The following MID2 variants were observed in gnomAD, a reference collection of about 807,000 sequenced individuals.
The protein encoded by MID2 is midline 2, also known as probable E3 ubiquitin-protein ligase MID2.
In MID2, 13 loss-of-function variants were observed where a neutral mutation model predicts 46.1. The ratio of observed to expected loss-of-function variants is 0.28; its 90% CI spans 0.18 to 0.45. The LOEUF (loss-of-function observed/expected upper bound fraction) is 0.45. MID2 is among the 20% of genes least tolerant of loss of function. The pLI is 1.00. For synonymous variants in MID2, 199 were observed against 212.3 expected (o/e 0.94, Z 0.55); for missense variants, 431 against 575.4 (o/e 0.75, Z 2.57).
Position 107,849,089 on chromosome X carries a change from T to C in MID2, c.721-5520T>C, listed in dbSNP as rs1382667009. Among the ~76,000 whole-genome samples, 5 of 112,311 alleles carry C rather than the reference T, an allele frequency of 4.5e-5. No individual in the cohort carries two copies. The East Asian group carries it at 1.4e-3, about 31-fold the overall frequency. The stretch of plus-strand genomic sequence containing the variant: ...TCCCCTTCCTATGCTCACCCCAAGG[T>C]TCAATTCCCACATAAAAGCAGTCAG... On this transcript the variant is annotated intron_variant, in intron 2 of 9. Transcript: ENST00000262843.
chrX:107,905,511 G>T lies in MID2; in HGVS notation c.958G>T (p.Ala320Ser), dbSNP rs1173922083. 1 of 1,206,554 alleles carries T rather than the reference G, an allele frequency of 8.3e-7. No individual in the cohort carries two copies. The highest frequency in any genetic ancestry group is 2.2e-5 in the Admixed American group (1 of 45,715). ...MKLRKLAQQV[A>S]NCRQCLERST... ...ACTGAGAAAGTTGGCACAGCAGGTT[G>T]CTAATTGCCGCCAGTGTCTTGAACG... The change falls in exon 5 of 10, where the codon GCT becomes TCT. Residue 320 changes from alanine (A) to serine (S), a missense_variant. Physicochemically the swap from Ala to Ser is moderately conservative, Grantham distance 99. Coordinates refer to ENST00000262843, the MANE Select transcript of MID2 (RefSeq NM_012216.4).
At chrX:107,925,016 C>A (rs1367138440) in intron 8 of MID2, among the ~76,000 whole-genome samples, 1 of 112,691 alleles carries the variant, frequency 8.9e-6, no homozygotes, top group Non-Finnish European at 1.9e-5. Flanking sequence ...ATAAAAGATG[C>A]AGGCTCCTTC....
chrX:107,841,024 G>A lies in MID2; in HGVS notation c.359G>A (p.Ser120Asn), dbSNP rs755162512. 2.5e-6 allele frequency: 3 copies of A among 1,211,375 alleles called. No individual in the cohort carries two copies. In the Admixed American group the frequency reaches 6.5e-5, roughly 26 times the overall value. Residue 120 changes from serine to asparagine, a missense_variant, in exon 2 of 10, where the codon AGC becomes AAC. By Grantham distance (46) the Ser-to-Asn change is conservative (BLOSUM62 1). Transcript: ENST00000262843. ...SVSGPNSPSESRRERTYRPTT... is the reference protein window; with the variant it reads ...SVSGPNSPSENRRERTYRPTT... ...AGTGGGCCCAATTCCCCTAGTGAGA[G>A]CCGCCGGGAAAGGACTTACAGGCCC...
intron 6 of MID2, among the ~76,000 whole-genome samples, chrX:107,916,962 G>A (rs1208530288): frequency 8.9e-6 from 1 of 111,825 alleles, no homozygotes; most frequent in Non-Finnish European, 1.9e-5. Context: ...CCAACATGGC[G>A]AAACCCTGTC....
chrX:107,874,549 G>T (rs1932154297), intron 3 of MID2, among the ~76,000 whole-genome samples: 1 of 111,565 alleles, frequency 9.0e-6, no homozygotes, highest in Non-Finnish European at 1.9e-5. Flanking sequence ...CATTTGCTTT[G>T]CTTCTGACAC....
intron 2 of MID2, among the ~76,000 whole-genome samples, chrX:107,853,574 A>G (rs1456103008): frequency 9.0e-6 from 1 of 111,332 alleles, no homozygotes; most frequent in Non-Finnish European, 1.9e-5. Flanking sequence ...TGCTGGGATT[A>G]CAGGCGTGAA....
intron 3 of MID2, among the ~76,000 whole-genome samples, chrX:107,879,931 G>T (rs1033004884): frequency 9.2e-6 from 1 of 108,590 alleles, no homozygotes; most frequent in African/African-American, 3.4e-5. Context: ...TGTATTGATG[G>T]TTTTTTTCTA....
At chrX:107,885,808 G>A (rs752096225) in intron 3 of MID2, among the ~76,000 whole-genome samples, 33 of 111,733 alleles carry the variant, frequency 3.0e-4, no homozygotes, top group African/African-American at 1.0e-3. Context: ...TTTAATGATT[G>A]CCATTCTAAC....
chrX:107,924,256 G>A lies in MID2; in HGVS notation c.1436-87G>A. On this transcript the variant is annotated intron_variant, in intron 7 of 9. Transcript: ENST00000262843. ...AAACAAAATGAATTCACTTTTGAGG[G>A]GGTGGCTTATGATGAATTTTCAGTG... 7.7e-6 allele frequency: 7 copies of A among 906,882 alleles called. No individual in the cohort carries two copies. The South Asian group carries it at 9.6e-5, about 12-fold the overall frequency. The allele number at this position is 906,882 out of a possible 1,213,427, so 74.7% of individuals were successfully genotyped here.
intron 5 of MID2, among the ~76,000 whole-genome samples, 168 bp downstream of exon 5, chrX:107,905,794 C>G (rs1169956514): frequency 8.9e-6 from 1 of 112,122 alleles, no homozygotes; most frequent in African/African-American, 3.2e-5. Flanking sequence ...GGACCCTTGT[C>G]TCTGTCTCTG....
intron 1 of MID2, among the ~76,000 whole-genome samples, chrX:107,834,081 A>G (rs1048685421): frequency 1.8e-5 from 2 of 111,823 alleles, no homozygotes; most frequent in Admixed American, 1.9e-4. Flanking sequence ...GGTGTGAGTC[A>G]CCACGCCAGA....
chrX:107,858,680 A>G (rs911701916), intron 3 of MID2, among the ~76,000 whole-genome samples: 1 of 112,751 alleles, frequency 8.9e-6, no homozygotes, highest in African/African-American at 3.2e-5. Flanking sequence ...ATAGAGCAGC[A>G]TGCAGTGCAG....
chrX:107,845,525 A>ACACTCT (rs1276957001), intron 2 of MID2, among the ~76,000 whole-genome samples: 19 of 72,944 alleles, frequency 2.6e-4, no homozygotes, highest in African/African-American at 9.8e-4. Flanking sequence ...ACACACACAC[A>ACACTCT]CTCTCTCTCT....
At chrX:107,840,602 T>A in intron 1 of MID2, 68 bp from the exon 2 acceptor site, 1 of 862,269 alleles carries the variant, frequency 1.2e-6, no homozygotes, top group Non-Finnish European at 1.7e-6. Flanking sequence ...CATTGGTTAG[T>A]GTATAATTGT....
rs903269945 is a variant in MID2, at chrX:107,826,396, G to A, written c.-31G>A. On this transcript the variant is annotated 5_prime_UTR_variant, in exon 1 of 10. Transcript: ENST00000262843. ...ACGAGAGCCCAGCGCCCTCGAGCGA[G>A]CGGAGGAGATGGCTGGCACCTGGGA... The A allele has an allele frequency of 2.7e-5, 31 of 1,134,736 alleles. No homozygotes were observed. In the Admixed American group the frequency reaches 8.7e-4, roughly 32 times the overall value. The allele number at this position is 1,134,736 out of a possible 1,213,427, so 93.5% of individuals were successfully genotyped here. A position where few individuals can be genotyped will look rare whatever the true frequency, so the allele number is the denominator to read the frequency against.
At chrX:107,843,399 A>G (rs1160027058) in intron 2 of MID2, among the ~76,000 whole-genome samples, 1 of 112,314 alleles carries the variant, frequency 8.9e-6, no homozygotes, top group Non-Finnish European at 1.9e-5. Flanking sequence ...ATCTCCAGGG[A>G]TGGATGGAAC....
At chrX:107,886,609 C>G (rs1031890080) in intron 3 of MID2, among the ~76,000 whole-genome samples, 2 of 111,783 alleles carry the variant, frequency 1.8e-5, no homozygotes, top group Non-Finnish European at 3.8e-5. Context: ...AGTGCAGGCT[C>G]ATTTTTGGTT....
Position 107,859,634 on chromosome X carries a change from A to C in MID2, c.816+4930A>C, listed in dbSNP as rs1931816050. ...AAGTGATAATTACTGTAATGAATGT[A>C]AATGCGTGATGACAAGTTAGCATGG... On this transcript the variant is annotated intron_variant, in intron 3 of 9. Coordinates refer to ENST00000262843, the MANE Select transcript of MID2 (RefSeq NM_012216.4). Among the ~76,000 whole-genome samples the C allele has an allele frequency of 1.8e-5, 2 of 112,877 alleles. 1 individual carries two copies. The highest frequency in any genetic ancestry group is 1.9e-4 in the Admixed American group (2 of 10,694).
At chrX:107,866,329 A>G (rs1388733809) in intron 3 of MID2, among the ~76,000 whole-genome samples, 2 of 110,894 alleles carry the variant, frequency 1.8e-5, no homozygotes, top group Non-Finnish European at 3.8e-5. Flanking sequence ...CAAATTGCAT[A>G]TTGTCTGCAG....
Sources: gnomAD v4.1 joint callset for allele counts (sites outside exome capture counted in the v4.1 genomes callset) on GRCh38, gnomAD v4.1.1 for gene constraint, MANE v1.5 for transcripts, NCBI Gene and HGNC (gene_info 2026-07-23, HGNC 2026-07-21) for gene names.